AHNAK2: variants seen among roughly 807,000 people sequenced by gnomAD.
The protein encoded by AHNAK2 is AHNAK nucleoprotein 2.
A neutral mutation model predicts 30.7 loss-of-function variants in AHNAK2; 18 were observed. That is an observed-to-expected ratio of 0.59 (90% CI 0.41 to 0.87). AHNAK2 has a LOEUF of 0.87. AHNAK2 is among the 40% of genes least tolerant of loss of function. The pLI, the probability that AHNAK2 is intolerant of heterozygous loss-of-function variation, is 0.00. For synonymous variants in AHNAK2, 3,590 were observed against 3,073.8 expected (o/e 1.17, Z -5.56); for missense variants, 8,604 against 7,373.0 (o/e 1.17, Z -6.11).
At chr14:104,955,908 C>T (rs946626165) in intron 4 of AHNAK2, among the ~76,000 whole-genome samples, 1 of 152,248 alleles carries the variant, frequency 6.6e-6, no homozygotes, top group Non-Finnish European at 1.5e-5. Context: ...CAGCAGGGCA[C>T]CAGGAGCAGC....
rs1422727199 is a variant in AHNAK2, at chr14:104,943,805, G to T, written c.11646C>A (p.Leu3882=). 1.2e-6 allele frequency: 2 copies of T among 1,613,278 alleles called. No individual in the cohort carries two copies. Among genetic ancestry groups the T allele is most frequent in the Non-Finnish European group, 1.7e-6 (2 of 1,179,606 alleles). Reference sequence around the variant, plus strand: ...TCTGCACCTTGGGCAGGTGTCCTTTGAGGCCGGCTTCCTCGGGCACGTGGC... The same window carrying T: ...TCTGCACCTTGGGCAGGTGTCCTTTTAGGCCGGCTTCCTCGGGCACGTGGC... The part of the protein sequence containing the change: ...LEGHVPEEAG[L]KGHLPKVQMP... The change falls in exon 7 of 7, where the codon CTC becomes CTA. Residue 3882 remains leucine, a synonymous_variant. Transcript: ENST00000333244.
Position 104,947,395 on chromosome 14 carries a change from A to C in AHNAK2, c.8056T>G (p.Ser2686Ala), listed in dbSNP as rs745462171. The change falls in exon 7 of 7, where the codon TCC becomes GCC. Residue 2686 changes from serine (S) to alanine (A), a missense_variant. By Grantham distance (99) the Ser-to-Ala change is moderately conservative. Coordinates refer to ENST00000333244, the MANE Select transcript of AHNAK2 (RefSeq NM_138420.4). Reference sequence around the variant, plus strand: ...GTGGTCTTAAGGTCCCCTTGCATGGAGGGGAGGCTCATGTCGGCTTCCACC... The same window carrying C: ...GTGGTCTTAAGGTCCCCTTGCATGGCGGGGAGGCTCATGTCGGCTTCCACC... ...LKVEADMSLP[S>A]MQGDLKTTDI... 1 of 1,612,324 alleles carries C rather than the reference A, an allele frequency of 6.2e-7. No individual in the cohort carries two copies. Among genetic ancestry groups the C allele is most frequent in the Non-Finnish European group, 8.5e-7 (1 of 1,179,530 alleles).
Position 104,978,226 on chromosome 14 carries a change from G to C in AHNAK2, c.12C>G (p.Cys4Trp). MCDCFHMVLPTWPG... is the reference protein window; with the variant it reads MCDWFHMVLPTWPG... ...GCCAGGTGGGCAGCACCATGTGGAA[G>C]CAGTCGCACATCGCGGCGGCCAGGC... Residue 4 changes from cysteine to tryptophan, a missense_variant, in exon 1 of 7, where the codon TGC (cysteine) becomes TGG (tryptophan). Transcript: ENST00000333244. 1 of 1,214,874 alleles carries C rather than the reference G, an allele frequency of 8.2e-7. No individual in the cohort carries two copies. The highest frequency in any genetic ancestry group is 1.0e-6 in the Non-Finnish European group (1 of 976,206). 75.3% of individuals were successfully genotyped at this position (1,214,874 alleles called of 1,614,324 possible).
rs115729548 is a variant in AHNAK2, at chr14:104,965,171, C to T, written c.56-7499G>A. ...GGGAAGCCAAAAGATAGGACGGACG[C>T]CCCGATGGATAATCCAAGTATTTTT... On this transcript the variant is annotated intron_variant, in intron 1 of 6. Transcript: ENST00000333244. 1.8e-3 allele frequency among the ~76,000 whole-genome samples: 276 copies of T among 152,242 alleles called. 2 individuals are homozygous for T. Among genetic ancestry groups the T allele is most frequent in the African/African-American group, 6.4e-3 (266 of 41,540 alleles).
At position 104,961,327 on chromosome 14, in the gene AHNAK2, A is replaced by T. The variant is rs542838129; in HGVS notation, c.56-3655T>A. 2.0e-5 allele frequency among the ~76,000 whole-genome samples: 3 copies of T among 152,008 alleles called. No individual in the cohort carries two copies. In the East Asian group the frequency reaches 5.9e-4, roughly 30 times the overall value. On this transcript the variant is annotated intron_variant, in intron 1 of 6. Coordinates refer to ENST00000333244, the MANE Select transcript of AHNAK2 (RefSeq NM_138420.4). Reference sequence around the variant, plus strand: ...CAGGAGATCAAAACCATCCTGGCTAACACAGTGAAACCCCGTCTCTACTAA... The same window carrying T: ...CAGGAGATCAAAACCATCCTGGCTATCACAGTGAAACCCCGTCTCTACTAA...
Position 104,941,810 on chromosome 14 carries a change from G to A in AHNAK2, c.13641C>T (p.Pro4547=). The change falls in exon 7 of 7, where the codon CCC becomes CCT. Residue 4547 remains proline, a synonymous_variant. Coordinates refer to ENST00000333244, the MANE Select transcript of AHNAK2 (RefSeq NM_138420.4). ...TCTTGAAACTGGGCATCTCCACCTT[G>A]GGCAGGTGCCCTTTGAGGCCGGCTA... is the stretch of plus-strand genomic sequence containing the variant. ...PEVAGLKGHL[P]KVEMPSFKMP... 1 of 1,612,702 alleles carries A rather than the reference G, an allele frequency of 6.2e-7. No homozygotes were observed.
chr14:104,950,509 C>T lies in AHNAK2; in HGVS notation c.4942G>A (p.Asp1648Asn), dbSNP rs200273928. The T allele has an allele frequency of 4.5e-4, 718 of 1,586,902 alleles. 67 individuals carry two copies. Among genetic ancestry groups the T allele is most frequent in the Non-Finnish European group, 5.5e-4 (645 of 1,162,962 alleles). The change falls in exon 7 of 7, where the codon GAC becomes AAC. Residue 1648 changes from aspartate (D) to asparagine (N), a missense_variant. By Grantham distance (23) the Asp-to-Asn change is conservative (BLOSUM62 1). Coordinates refer to ENST00000333244, the MANE Select transcript of AHNAK2 (RefSeq NM_138420.4). ...AQLEGDLSLA[D>N]KAVTAKDSKF... ...CTGTCTTTGGCAGTCACCGCCTTGT[C>T]GGCCAGGGACAGGTCCCCCTCCAGC...
Position 104,946,329 on chromosome 14 carries a change from T to C in AHNAK2, c.9122A>G (p.Gln3041Arg), listed in dbSNP as rs760929587. 1 of 1,612,302 alleles carries C rather than the reference T, an allele frequency of 6.2e-7. No individual in the cohort carries two copies. The highest frequency in any genetic ancestry group is 8.5e-7 in the Non-Finnish European group (1 of 1,179,480). The change falls in exon 7 of 7, where the codon CAG (glutamine) becomes CGG (arginine). Residue 3041 changes from glutamine to arginine, a missense_variant. Gln to Arg is a conservative substitution (Grantham distance 43). Transcript: ENST00000333244. ...GCCCTCTGGGAGCTTCAGGTCCACC[T>C]GGCCAGCCTGGACCTCCAGTTGGGC... is the stretch of plus-strand genomic sequence containing the variant. ...PSAQLEVQAGQVDLKLPEGHV... is the reference protein window; with the variant it reads ...PSAQLEVQAGRVDLKLPEGHV...
rs1274867189 is a variant in AHNAK2 at position 104,945,204 on chromosome 14, G to A, written c.10247C>T (p.Pro3416Leu). ...LKSPQVDIKGPKLDLKVPKAE... is the reference protein window; with the variant it reads ...LKSPQVDIKGLKLDLKVPKAE... Reference sequence around the variant, plus strand: ...CTTGGGGACTTTTAGGTCCAGCTTGGGGCCCTTGATGTCCACCTGGGGGCT... The same window carrying A: ...CTTGGGGACTTTTAGGTCCAGCTTGAGGCCCTTGATGTCCACCTGGGGGCT... The change falls in exon 7 of 7, where the codon CCC becomes CTC. Residue 3416 changes from proline (P) to leucine (L), a missense_variant. By Grantham distance (98) the Pro-to-Leu change is moderately conservative (BLOSUM62 -3). Coordinates refer to ENST00000333244, the MANE Select transcript of AHNAK2 (RefSeq NM_138420.4). 1.9e-6 allele frequency: 3 copies of A among 1,613,132 alleles called. No individual in the cohort carries two copies. The highest frequency in any genetic ancestry group is 1.1e-5 in the South Asian group (1 of 91,060).
chr14:104,942,119 C>T lies in AHNAK2; in HGVS notation c.13332G>A (p.Arg4444=), dbSNP rs1898018519. ...QAPGAKLDST[R]LEGDLSLADK... ...CAGCCAGGGACAGGTCCCCCTCCAG[C>T]CGCGTACTGTCCAGCTTGGCTCCTG... is the stretch of plus-strand genomic sequence containing the variant. The change falls in exon 7 of 7, where the codon CGG becomes CGA. Residue 4444 remains arginine, a synonymous_variant. Transcript: ENST00000333244. 6.2e-7 allele frequency: 1 copy of T among 1,613,360 alleles called. No individual in the cohort carries two copies.
In AHNAK2 at chr14:104,940,392, C is replaced by A; in HGVS notation, c.15059G>T (p.Gly5020Val). 1 of 1,613,902 alleles carries A rather than the reference C, an allele frequency of 6.2e-7. No individual in the cohort carries two copies. The highest frequency in any genetic ancestry group is 8.5e-7 in the Non-Finnish European group (1 of 1,179,882). Residue 5020 changes from glycine to valine, a missense_variant, in exon 7 of 7, where the codon GGC becomes GTC. Physicochemically the swap from Gly to Val is moderately radical, Grantham distance 109. Transcript: ENST00000333244. The surrounding 1 kb of genome is among the most constrained non-coding windows in gnomAD (Gnocchi z 4.4). The part of the protein sequence containing the change: ...DGEKGRSTKP[G>V]FAMPKLALPK... ...AAGTGCAAGTTTTGGCATGGCAAAG[C>A]CAGGCTTTGTGCTCCTCCCCTTCTC... is the stretch of plus-strand genomic sequence containing the variant.
rs762750372 is a variant in AHNAK2, at chr14:104,948,232, G to T, written c.7219C>A (p.Pro2407Thr). Residue 2407 changes from proline to threonine, a missense_variant, in exon 7 of 7, where the codon CCC (proline) becomes ACC (threonine). Coordinates refer to ENST00000333244, the MANE Select transcript of AHNAK2 (RefSeq NM_138420.4). ...LKGHLPKLQM[P>T]SFKMPKVDLK... ...TCTACTTTGGGCATCTTGAAACTGG[G>T]CATCTGCAGCTTGGGCAGGTGCCCT... 9.9e-6 allele frequency: 16 copies of T among 1,612,508 alleles called. No individual in the cohort carries two copies. The Admixed American group carries it at 2.7e-4, about 27-fold the overall frequency.
rs765464423 is a variant in AHNAK2, at chr14:104,944,129, C to G, written c.11322G>C (p.Gln3774His). ...CACTATCCAGTTTGGCTCTTGGGGCCTGGACGTCCACCTCCACGCTGGGCA... is the reference window on the plus strand; with the variant it reads ...CACTATCCAGTTTGGCTCTTGGGGCGTGGACGTCCACCTCCACGCTGGGCA... ...VSLPSVEVDV[Q>H]APRAKLDSAQ... Residue 3774 changes from glutamine (Q) to histidine (H), a missense_variant, in exon 7 of 7, where the codon CAG becomes CAC. Physicochemically the swap from Gln to His is conservative, Grantham distance 24. Coordinates refer to ENST00000333244, the MANE Select transcript of AHNAK2 (RefSeq NM_138420.4). 6.2e-7 allele frequency: 1 copy of G among 1,613,166 alleles called. No individual in the cohort carries two copies.
At chr14:104,972,679 T>C (rs908624748) in intron 1 of AHNAK2, among the ~76,000 whole-genome samples, 3 of 152,194 alleles carry the variant, frequency 2.0e-5, no homozygotes, top group Admixed American at 6.5e-5. Context: ...CTCCTCCTGG[T>C]GCACCCTCCC....
chr14:104,948,304 C>G lies in AHNAK2; in HGVS notation c.7147G>C (p.Asp2383His). 6.2e-7 allele frequency: 1 copy of G among 1,612,444 alleles called. No homozygotes were observed. The highest frequency in any genetic ancestry group is 8.5e-7 in the Non-Finnish European group (1 of 1,179,552). The change falls in exon 7 of 7, where the codon GAT becomes CAT. Residue 2383 changes from aspartate (D) to histidine (H), a missense_variant. Physicochemically the swap from Asp to His is moderately conservative, Grantham distance 81. Transcript: ENST00000333244. ...ACGGGGCCCTCTGGGAGTTTCACATCCACTTGGCCAGCCTGGACCTCCAGG... is the reference window on the plus strand; with the variant it reads ...ACGGGGCCCTCTGGGAGTTTCACATGCACTTGGCCAGCCTGGACCTCCAGG... Reference protein sequence around the residue: ...ADLEVQAGQVDVKLPEGPVPE... With the variant: ...ADLEVQAGQVHVKLPEGPVPE...
chr14:104,972,285 G>A (rs1185107109), intron 1 of AHNAK2, among the ~76,000 whole-genome samples: 1 of 152,226 alleles, frequency 6.6e-6, no homozygotes, highest in African/African-American at 2.4e-5. Context: ...TTTACACGGA[G>A]GCAGGAAAGC....
chr14:104,943,639 C>G lies in AHNAK2; in HGVS notation c.11812G>C (p.Val3938Leu), dbSNP rs776652802. 3 of 1,613,402 alleles carry G rather than the reference C, an allele frequency of 1.9e-6. No homozygotes were observed. Among genetic ancestry groups the G allele is most frequent in the Admixed American group, 1.7e-5 (1 of 59,972 alleles). The part of the protein sequence containing the change: ...EVSLPSVEVD[V>L]EAPGAKLDGA... ...TCCAGCTTGGCTCCTGGGGCCTCGA[C>G]GTCCACCTCCACGCTGGGCAGAGAA... Residue 3938 changes from valine to leucine, a missense_variant, in exon 7 of 7, where the codon GTC becomes CTC. Coordinates refer to ENST00000333244, the MANE Select transcript of AHNAK2 (RefSeq NM_138420.4).
In AHNAK2 at chr14:104,941,352, T is replaced by G; in HGVS notation, c.14099A>C (p.Lys4700Thr). ...VGEVGMDSKF[K>T]KLHFKVPKVS... ...TTTGGGCACTTTAAAATGCAGTTTC[T>G]TAAACTTCGAATCCATTCCAACTTC... is the stretch of plus-strand genomic sequence containing the variant. Residue 4700 changes from lysine (K) to threonine (T), a missense_variant, in exon 7 of 7, where the codon AAG becomes ACG. Lys to Thr is a moderately conservative substitution (Grantham distance 78). Transcript: ENST00000333244. The G allele has an allele frequency of 6.2e-7, 1 of 1,613,560 alleles. No individual in the cohort carries two copies. Among genetic ancestry groups the G allele is most frequent in the Non-Finnish European group, 8.5e-7 (1 of 1,179,900 alleles).
At position 104,942,071 on chromosome 14, in the gene AHNAK2, G is replaced by C; in HGVS notation, c.13380C>G (p.Asp4460Glu). 1 of 1,612,820 alleles carries C rather than the reference G, an allele frequency of 6.2e-7. No individual in the cohort carries two copies. Among genetic ancestry groups the C allele is most frequent in the Non-Finnish European group, 8.5e-7 (1 of 1,179,586 alleles). ...SLADKDVTAK[D>E]SKFKMPKFKM... Reference sequence around the variant, plus strand: ...TGAACTTGGGCATTTTGAACTTGCTGTCTTTGGCAGTCACGTCCTTGTCAG... The same window carrying C: ...TGAACTTGGGCATTTTGAACTTGCTCTCTTTGGCAGTCACGTCCTTGTCAG... The change falls in exon 7 of 7, where the codon GAC (aspartate) becomes GAG (glutamate). Residue 4460 changes from aspartate (D) to glutamate (E), a missense_variant. Transcript: ENST00000333244.
Sources: allele counts gnomAD v4.1 joint callset (sites outside exome capture counted in the v4.1 genomes callset), GRCh38; gene constraint gnomAD v4.1.1; non-coding constraint Gnocchi (gnomAD v3.1); transcripts MANE v1.5; gene names NCBI Gene and HGNC (gene_info 2026-07-23, HGNC 2026-07-21).